The following SCYL1 variants were observed in gnomAD, a reference collection of about 807,000 sequenced individuals.
SCYL1 encodes SCY1 like pseudokinase 1.
Under a neutral mutation model 94.8 loss-of-function variants are expected in SCYL1, and 85 were observed. That is an observed-to-expected ratio of 0.90 (90% confidence interval 0.75 to 1.07). SCYL1 has a LOEUF of 1.07. Ranked by LOEUF, SCYL1 falls within the 50% of genes least tolerant of loss-of-function variation. The pLI is 0.00. For synonymous variants in SCYL1, 459 were observed against 435.5 expected (o/e 1.05, Z -0.67); for missense variants, 968 against 1,083.3 (o/e 0.89, Z 1.49).
intron 17 of SCYL1, 59 bp downstream of exon 17, chr11:65,538,383 A>G (rs1387237520): frequency 6.5e-7 from 1 of 1,539,230 alleles, no homozygotes; most frequent in Non-Finnish European, 8.8e-7. Context: ...CCGCCCCTAC[A>G]GGCCCCCGGC....
intron 6 of SCYL1, among the ~76,000 whole-genome samples, chr11:65,530,274 C>A (rs1438881278): frequency 1.3e-5 from 2 of 152,204 alleles, no homozygotes; most frequent in African/African-American, 4.8e-5. Flanking sequence ...GATAAAGGGC[C>A]TGATGCCCTT....
Position 65,526,698 on chromosome 11 carries a change from G to A in SCYL1, c.603-85G>A, listed in dbSNP as rs1467047360. 7.6e-7 allele frequency: 1 copy of A among 1,307,754 alleles called. No homozygotes were observed. The highest frequency in any genetic ancestry group is 1.5e-5 in the African/African-American group (1 of 68,658). The allele number at this position is 1,307,754 out of a possible 1,614,324, so 81.0% of individuals were successfully genotyped here. On this transcript the variant is annotated intron_variant, in intron 4 of 17. Transcript: ENST00000270176. This position sits in a 1 kb window ranked among gnomAD's most constrained non-coding sequence, Gnocchi z 4.1. ...GAGGGACATAGCCAGGCCCTGGCAT[G>A]CAGTGGGTGCCTGGTGCCCAAGGCA...
At chr11:65,536,529 G>A in intron 12 of SCYL1, 57 bp from the exon 13 acceptor site, 28 of 1,588,458 alleles carry the variant, frequency 1.8e-5, no homozygotes, top group Non-Finnish European at 2.4e-5. Context: ...CTGCTGTCCT[G>A]TCACCCATGG....
chr11:65,532,660 A>C (rs369991373), intron 8 of SCYL1, 32 bp from the exon 9 acceptor site: 8 of 1,536,868 alleles, frequency 5.2e-6, no homozygotes, highest in Non-Finnish European at 6.3e-6. Flanking sequence ...GGAAGGGCTG[A>C]CCATGTTGAC....
At chr11:65,537,677 A>C in intron 14 of SCYL1, 132 bp from the exon 15 acceptor site, 1 of 741,232 alleles carries the variant, frequency 1.3e-6, no homozygotes, top group South Asian at 1.9e-5. Flanking sequence ...ATAGATGGGA[A>C]ACAGGGCCTG....
At chr11:65,535,162 G>A in intron 9 of SCYL1, 65 bp from the exon 10 acceptor site, 5 of 1,584,200 alleles carry the variant, frequency 3.2e-6, no homozygotes, top group Non-Finnish European at 4.3e-6. Context: ...CTGCCAGGAG[G>A]CTGTTCCTGC....
At chr11:65,536,956 CT>C (rs1855689234) in intron 13 of SCYL1, 29 bp from the exon 14 acceptor site, 2 of 1,594,486 alleles carry the variant, frequency 1.3e-6, no homozygotes, top group Non-Finnish European at 1.7e-6. Context: ...CAAGACCCCC[CT>C]GAAAGCTCAG....
At chr11:65,532,555 C>A (rs1389604000) in intron 8 of SCYL1, 137 bp from the exon 9 acceptor site, 22 of 699,168 alleles carry the variant, frequency 3.1e-5, no homozygotes, top group South Asian at 1.7e-4. Context: ...GGCCAAACAC[C>A]TGGGTGGTGG....
In SCYL1 at chr11:65,536,090, GC is replaced by G; in HGVS notation, c.1526del (p.Pro509LeufsTer8). On this transcript the variant is annotated frameshift_variant, in exon 11 of 18. Transcript: ENST00000270176. LOFTEE classifies it high-confidence loss of function. The part of the protein sequence containing the change: ...SMNDCAQKIL[P>X]VLCGLTVDPE... ...TGAACGACTGTGCCCAGAAGATCCT[GC>G]CTGTGCTCTGCGGTCTCACTGTAGA... The G allele has an allele frequency of 6.2e-7, 1 of 1,614,196 alleles. No individual in the cohort carries two copies. The highest frequency in any genetic ancestry group is 8.5e-7 in the Non-Finnish European group (1 of 1,180,014).
In SCYL1 at chr11:65,536,102, C is replaced by T. The variant is rs1042955209; in HGVS notation, c.1536C>T (p.Cys512=). ...DCAQKILPVL[C]GLTVDPEKSV... is the part of the protein sequence containing the mutation. Reference sequence around the variant, plus strand: ...CCCAGAAGATCCTGCCTGTGCTCTGCGGTCTCACTGTAGATCCTGAGAAAT... The same window carrying T: ...CCCAGAAGATCCTGCCTGTGCTCTGTGGTCTCACTGTAGATCCTGAGAAAT... Residue 512 remains cysteine (C), a synonymous_variant, in exon 11 of 18, where the codon TGC becomes TGT. Coordinates refer to ENST00000270176, the MANE Select transcript of SCYL1 (RefSeq NM_020680.4). 1.1e-5 allele frequency: 18 copies of T among 1,613,998 alleles called. No homozygotes were observed. Among genetic ancestry groups the T allele is most frequent in the South Asian group, 5.5e-5 (5 of 91,076 alleles).
rs754088303 is a variant in SCYL1, at chr11:65,533,025, C to G, written c.1230+220C>G. ...GCCTGTTCCTGGCCCAAGCCCCATG[C>G]TGGGAGGCAGCATGCATGAGGTGCC... is the stretch of plus-strand genomic sequence containing the variant. On this transcript the variant is annotated intron_variant, in intron 9 of 17. Coordinates refer to ENST00000270176, the MANE Select transcript of SCYL1 (RefSeq NM_020680.4). 69 of 537,886 alleles carry G rather than the reference C, an allele frequency of 1.3e-4. No homozygotes were observed. The Middle Eastern group carries it at 4.1e-3, about 32-fold the overall frequency. 33.3% of individuals were successfully genotyped at this position (537,886 alleles called of 1,614,324 possible).
At chr11:65,535,438 C>T in intron 10 of SCYL1, 56 bp downstream of exon 10, 4 of 1,594,288 alleles carry the variant, frequency 2.5e-6, no homozygotes, top group Non-Finnish European at 3.4e-6. Context: ...CCACAGCCTC[C>T]TCCAGGGCCA....
rs1014393148 is a variant in SCYL1, at chr11:65,526,956, C to T, written c.694-6C>T. On this transcript the variant is annotated splice_region_variant and splice_polypyrimidine_tract_variant and intron_variant, in intron 5 of 17. Coordinates refer to ENST00000270176, the MANE Select transcript of SCYL1 (RefSeq NM_020680.4). The surrounding 1 kb of genome is among the most constrained non-coding windows in gnomAD (Gnocchi z 4.1). Reference sequence around the variant, plus strand: ...CCCTGCCCTGACACTGACCCCTCCCCTACAGATCCCCAAAACGCTGGTGCC... The same window carrying T: ...CCCTGCCCTGACACTGACCCCTCCCTTACAGATCCCCAAAACGCTGGTGCC... The T allele has an allele frequency of 2.5e-6, 4 of 1,611,068 alleles. No individual in the cohort carries two copies. The highest frequency in any genetic ancestry group is 2.5e-6 in the Non-Finnish European group (3 of 1,177,968).
Position 65,530,639 on chromosome 11 carries a change from C to T in SCYL1, c.860C>T (p.Pro287Leu), listed in dbSNP as rs1855314902. 2 of 1,612,864 alleles carry T rather than the reference C, an allele frequency of 1.2e-6. No homozygotes were observed. The highest frequency in any genetic ancestry group is 1.7e-6 in the Non-Finnish European group (2 of 1,179,452). ...TCCTCACTCCCCCAGATCAAAGAGC[C>T]AGCCGAGAAGCAAAAATTCTTCCAG... is the stretch of plus-strand genomic sequence containing the variant. ...LFLEEIQIKE[P>L]AEKQKFFQEL... is the part of the protein sequence containing the mutation. The change falls in exon 7 of 18, where the codon CCA becomes CTA. Residue 287 changes from proline to leucine, a missense_variant. Transcript: ENST00000270176.
chr11:65,537,979 G>GACC lies in SCYL1; in HGVS notation c.2047_2049dup (p.His683dup). ...CGCTCTTCTACAGGTCAGCAACTCC[G>GACC]ACCACAAATCCTCCAAATCCCCAGA... On this transcript the variant is annotated inframe_insertion, in exon 16 of 18. Coordinates refer to ENST00000270176, the MANE Select transcript of SCYL1 (RefSeq NM_020680.4). 2.5e-6 allele frequency: 4 copies of GACC among 1,611,190 alleles called. No homozygotes were observed. The highest frequency in any genetic ancestry group is 3.4e-6 in the Non-Finnish European group (4 of 1,178,416).
chr11:65,528,214 G>C (rs779521637), intron 6 of SCYL1, among the ~76,000 whole-genome samples: 80 of 148,416 alleles, frequency 5.4e-4, no homozygotes, highest in Non-Finnish European at 4.0e-4. Context: ...AGGCTGAGGC[G>C]GGTGGATCAC....
intron 6 of SCYL1, among the ~76,000 whole-genome samples, chr11:65,528,984 A>G (rs563446560): frequency 1.3e-5 from 2 of 152,284 alleles, no homozygotes; most frequent in East Asian, 3.9e-4. Flanking sequence ...TGGTTTCCAC[A>G]TGTGTATAGT....
At chr11:65,529,348 C>G (rs58584714) in intron 6 of SCYL1, among the ~76,000 whole-genome samples, 7,497 of 152,252 alleles carry the variant, frequency 0.049, 643 homozygotes, top group African/African-American at 0.17. Context: ...AGCTACCCTT[C>G]TCCTTAAAGT....
intron 14 of SCYL1, 113 bp downstream of exon 14, chr11:65,537,241 C>G: frequency 8.5e-7 from 1 of 1,174,090 alleles, no homozygotes; most frequent in Admixed American, 2.1e-5. Flanking sequence ...ATCAGCACAG[C>G]ATCCCTGGCA....
Sources: gnomAD v4.1 joint callset for allele counts (sites outside exome capture counted in the v4.1 genomes callset) on GRCh38, gnomAD v4.1.1 for gene constraint, Gnocchi (gnomAD v3.1) non-coding constraint, MANE v1.5 for transcripts, NCBI Gene and HGNC (gene_info 2026-07-23, HGNC 2026-07-21) for gene names.